Variants in NCK1 observed in about 807,000 individuals in gnomAD.
The protein encoded by NCK1 is SH2/SH3 adapter protein NCK1.
In NCK1, 19 loss-of-function variants were observed where a neutral mutation model predicts 36.6. The ratio of observed to expected loss-of-function variants is 0.52; its 90% CI spans 0.36 to 0.76. NCK1 has a LOEUF of 0.76. NCK1 is among the 30% of genes least tolerant of loss of function. NCK1 has a pLI of 0.00. For missense variants in NCK1, 358 were observed against 445.6 expected, an observed-to-expected ratio of 0.80 and a Z score of 1.77; for synonymous variants, 165 against 156.0, an observed-to-expected ratio of 1.06 and a Z score of -0.43.
At chr3:136,918,735 A>C (rs1342074141) in intron 1 of NCK1, among the ~76,000 whole-genome samples, 1 of 152,222 alleles carries the variant, frequency 6.6e-6, no homozygotes, top group African/African-American at 2.4e-5. Context: ...TGTGTGGCCC[A>C]AGACAATTCT....
chr3:136,924,476 C>T (rs1940190299), intron 1 of NCK1, among the ~76,000 whole-genome samples: 3 of 151,932 alleles, frequency 2.0e-5, no homozygotes, highest in Non-Finnish European at 2.9e-5. Context: ...TGCAATATAT[C>T]GACTTAGTTT....
At chr3:136,934,171 T>C (rs779105305) in intron 2 of NCK1, among the ~76,000 whole-genome samples, 6 of 152,132 alleles carry the variant, frequency 3.9e-5, no homozygotes, top group Non-Finnish European at 8.8e-5. Flanking sequence ...CACACCACCA[T>C]TGTACAAACA....
At chr3:136,863,476 A>C (rs1413704618) in intron 1 of NCK1, among the ~76,000 whole-genome samples, 1 of 151,606 alleles carries the variant, frequency 6.6e-6, no homozygotes, top group Non-Finnish European at 1.5e-5. Context: ...TAAAACACTT[A>C]ATTTTCTTGT....
chr3:136,941,713 CA>C (rs34767461), intron 2 of NCK1, among the ~76,000 whole-genome samples: 2 of 150,940 alleles, frequency 1.3e-5, no homozygotes, highest in African/African-American at 4.9e-5. Flanking sequence ...GGAGAATTTA[CA>C]AAAAAAAACT....
intron 1 of NCK1, among the ~76,000 whole-genome samples, chr3:136,863,317 T>C (rs1938302399): frequency 6.6e-6 from 1 of 152,234 alleles, no homozygotes; most frequent in Non-Finnish European, 1.5e-5. Flanking sequence ...GATAGACGTA[T>C]GACAAACCAA....
rs1268806199 is a variant in NCK1 at position 136,943,370 on chromosome 3, T to G, written c.227-2213T>G. On this transcript the variant is annotated intron_variant, in intron 2 of 3. Transcript: ENST00000481752. ...TGATTTAGGGGTATAGACTGGATTATTTTTATTTGGACATGAGTGTTGGGT... is the reference window on the plus strand; with the variant it reads ...TGATTTAGGGGTATAGACTGGATTAGTTTTATTTGGACATGAGTGTTGGGT... 2.0e-5 allele frequency among the ~76,000 whole-genome samples: 3 copies of G among 152,310 alleles called. No individual in the cohort carries two copies. The East Asian group carries it at 5.8e-4, about 29-fold the overall frequency.
rs540577510 is a variant in NCK1 at position 136,892,425 on chromosome 3, G to C, written c.-19+30072G>C. On this transcript the variant is annotated intron_variant, in intron 1 of 3. Transcript: ENST00000481752. ...TACTGATGTCCTGGATTATCTGAGT[G>C]GGCTCTGGTAATCACAAGAGTCCTT... Among the ~76,000 whole-genome samples the C allele has an allele frequency of 4.6e-5, 7 of 152,278 alleles. No homozygotes were observed. The South Asian group carries it at 1.0e-3, about 23-fold the overall frequency.
chr3:136,947,317 T>A (rs758471441), intron 3 of NCK1, among the ~76,000 whole-genome samples: 2 of 152,082 alleles, frequency 1.3e-5, no homozygotes, highest in African/African-American at 4.8e-5. Flanking sequence ...GGGGTTGATA[T>A]AGACTGTAAC....
chr3:136,893,019 A>G (rs1034853239), intron 1 of NCK1, among the ~76,000 whole-genome samples: 1 of 151,034 alleles, frequency 6.6e-6, no homozygotes, highest in Non-Finnish European at 1.5e-5. Flanking sequence ...CCACTTATGA[A>G]TGGAGAATAT....
At chr3:136,944,217 C>G (rs563719503) in intron 2 of NCK1, among the ~76,000 whole-genome samples, 1 of 147,626 alleles carries the variant, frequency 6.8e-6, no homozygotes, top group Non-Finnish European at 1.5e-5. Flanking sequence ...CTGCCAGGTT[C>G]AAACGATTCT....
At chr3:136,924,727 A>G (rs1940195266) in intron 1 of NCK1, among the ~76,000 whole-genome samples, 3 of 152,206 alleles carry the variant, frequency 2.0e-5, no homozygotes, top group African/African-American at 7.2e-5. Flanking sequence ...CCACACTGCC[A>G]TTAGGCAGGA....
chr3:136,938,686 T>C (rs1940597335), intron 2 of NCK1, among the ~76,000 whole-genome samples: 1 of 152,192 alleles, frequency 6.6e-6, no homozygotes, highest in South Asian at 2.1e-4. Flanking sequence ...TGAGTTATAG[T>C]GATGTTGTGA....
chr3:136,905,021 TTTTC>T (rs1396650035), intron 1 of NCK1, among the ~76,000 whole-genome samples: 1 of 150,808 alleles, frequency 6.6e-6, no homozygotes, highest in Non-Finnish European at 1.5e-5. Context: ...TTTTTTTTTT[TTTTC>T]TTTTTGAGAT....
chr3:136,918,260 A>G (rs1223380619), intron 1 of NCK1, among the ~76,000 whole-genome samples: 1 of 152,174 alleles, frequency 6.6e-6, no homozygotes, highest in Non-Finnish European at 1.5e-5. Flanking sequence ...TTCTATTAAG[A>G]TAAATGAAGA....
rs374951738 is a variant in NCK1, at chr3:136,945,884, A to G, written c.528A>G (p.Ser176=). 2.5e-6 allele frequency: 4 copies of G among 1,614,058 alleles called. No homozygotes were observed. The African/African-American group carries it at 4.0e-5, about 16-fold the overall frequency. Residue 176 remains serine (S), a synonymous_variant, in exon 3 of 4, where the codon TCA becomes TCG. Coordinates refer to ENST00000481752, the MANE Select transcript of NCK1 (RefSeq NM_001291999.2). ...TGGGTGACCATGTGGGTTCTCTGTC[A>G]GAGAAATTAGCAGCAGTCGTCAATA... ...SPLGDHVGSL[S]EKLAAVVNNL... is the part of the protein sequence containing the mutation.
intron 1 of NCK1, chr3:136,899,058 G>C (rs1939466842): frequency 5.7e-6 from 1 of 176,706 alleles, no homozygotes; most frequent in Middle Eastern, 6.0e-4. Flanking sequence ...CATTTCTCTG[G>C]TACCACAGTC....
chr3:136,903,382 C>T (rs1333955621), intron 1 of NCK1, among the ~76,000 whole-genome samples: 1 of 152,130 alleles, frequency 6.6e-6, no homozygotes, highest in Non-Finnish European at 1.5e-5. Flanking sequence ...ATAGGTGGGT[C>T]ATGCTTTAAA....
chr3:136,942,796 T>C (rs972712990), intron 2 of NCK1, among the ~76,000 whole-genome samples: 1 of 152,226 alleles, frequency 6.6e-6, no homozygotes, highest in African/African-American at 2.4e-5. Context: ...TCCCAGTTGT[T>C]GTCCCTTGCC....
chr3:136,871,641 T>C (rs1170223947), intron 1 of NCK1, among the ~76,000 whole-genome samples: 2 of 152,130 alleles, frequency 1.3e-5, no homozygotes, highest in Non-Finnish European at 2.9e-5. Flanking sequence ...TTTTTGCCTG[T>C]TTTTGAACTT....
Sources: allele counts gnomAD v4.1 joint callset (sites outside exome capture counted in the v4.1 genomes callset), GRCh38; gene constraint gnomAD v4.1.1; transcripts MANE v1.5; gene names NCBI Gene and HGNC (gene_info 2026-07-23, HGNC 2026-07-21).